The following LRRIQ3 variants were observed in gnomAD, a reference collection of about 807,000 sequenced individuals.
LRRIQ3 encodes leucine-rich repeat and IQ domain-containing protein 3.
A neutral mutation model predicts 59.3 loss-of-function variants in LRRIQ3; 75 were observed. That is an observed-to-expected ratio of 1.26 (90% CI 1.05 to 1.53). LRRIQ3 has a LOEUF of 1.53. Ranked by LOEUF, LRRIQ3 falls within the 40% of genes most tolerant of loss-of-function variation. LRRIQ3 has a pLI of 0.00. For missense variants in LRRIQ3, 831 were observed against 710.0 expected, an observed-to-expected ratio of 1.17 and a Z score of -1.94; for synonymous variants, 250 against 231.3, an observed-to-expected ratio of 1.08 and a Z score of -0.73.
chr1:74,167,137 G>T (rs893974872), intron 3 of LRRIQ3, among the ~76,000 whole-genome samples: 6 of 151,934 alleles, frequency 3.9e-5, no homozygotes, highest in Non-Finnish European at 8.8e-5. Flanking sequence ...ATACAAAAAA[G>T]ATACTTGCAC....
chr1:74,071,980 A>G (rs1007267332), intron 6 of LRRIQ3, among the ~76,000 whole-genome samples: 36 of 152,190 alleles, frequency 2.4e-4, no homozygotes, highest in Non-Finnish European at 5.0e-4. Flanking sequence ...TATATTAATT[A>G]TTCAGGCTGA....
At chr1:74,047,005 G>A (rs1259072442) in intron 6 of LRRIQ3, among the ~76,000 whole-genome samples, 1 of 152,164 alleles carries the variant, frequency 6.6e-6, no homozygotes, top group East Asian at 1.9e-4. Context: ...GTTGGTGGAA[G>A]TGTAAATTAG....
intron 5 of LRRIQ3, among the ~76,000 whole-genome samples, chr1:74,079,011 C>T (rs1305720941): frequency 2.6e-5 from 4 of 151,654 alleles, no homozygotes; most frequent in Non-Finnish European, 4.4e-5. Flanking sequence ...AATATGCTTC[C>T]TTCTCTAAAT....
chr1:74,067,646 G>A (rs1250262537), intron 6 of LRRIQ3, among the ~76,000 whole-genome samples: 1 of 151,892 alleles, frequency 6.6e-6, no homozygotes, highest in Admixed American at 6.6e-5. Context: ...GTCATATGTA[G>A]TTTTCATATC....
At chr1:74,144,686 A>G (rs1647452144) in intron 4 of LRRIQ3, 1 of 166,846 alleles carries the variant, frequency 6.0e-6, no homozygotes, top group African/African-American at 2.4e-5. Flanking sequence ...GAGTGTACAT[A>G]TGTTCTATTG....
intron 4 of LRRIQ3, among the ~76,000 whole-genome samples, chr1:74,114,765 C>A (rs1646755036): frequency 6.8e-6 from 1 of 148,136 alleles, no homozygotes; most frequent in Non-Finnish European, 1.5e-5. Context: ...CCAAGAAAAT[C>A]ACTAAAAACA....
chr1:74,069,084 AAAT>A (rs1442043617), intron 6 of LRRIQ3, among the ~76,000 whole-genome samples: 1 of 152,088 alleles, frequency 6.6e-6, no homozygotes, highest in African/African-American at 2.4e-5. Flanking sequence ...AATGACCCTC[AAAT>A]AATTAAACTT....
rs1654035605 is a variant in LRRIQ3, at chr1:74,041,279, A to G, written c.1652T>C (p.Ile551Thr). 2 of 1,605,038 alleles carry G rather than the reference A, an allele frequency of 1.2e-6. No individual in the cohort carries two copies. The highest frequency in any genetic ancestry group is 1.7e-6 in the Non-Finnish European group (2 of 1,177,948). Residue 551 changes from isoleucine to threonine, a missense_variant, in exon 7 of 8, where the codon ATT (isoleucine) becomes ACT (threonine). Ile to Thr is a moderately conservative substitution (Grantham distance 89). Coordinates refer to ENST00000354431, the MANE Select transcript of LRRIQ3 (RefSeq NM_001105659.2). ...TTCTGCTTTTAGTTTTTGCTTAACA[A>G]TCAGGCTTTTCTCTTTTAGGACAGC... ...NEAVLKEKSL[I>T]VKQKLKAEKY...
intron 7 of LRRIQ3, among the ~76,000 whole-genome samples, chr1:74,027,704 T>C (rs1243393376): frequency 6.6e-6 from 1 of 152,082 alleles, no homozygotes; most frequent in African/African-American, 2.4e-5. Context: ...TCACAGGTCT[T>C]AGGAGATTTC....
intron 6 of LRRIQ3, among the ~76,000 whole-genome samples, chr1:74,059,860 AAT>A: frequency 6.6e-6 from 1 of 152,126 alleles, no homozygotes; most frequent in East Asian, 1.9e-4. Flanking sequence ...GATCTACTTT[AAT>A]TCTTCAGTAT....
At chr1:74,076,147 T>C (rs1237522567) in intron 5 of LRRIQ3, among the ~76,000 whole-genome samples, 1 of 152,028 alleles carries the variant, frequency 6.6e-6, no homozygotes, top group Non-Finnish European at 1.5e-5. Context: ...GTTCAGAAGC[T>C]TAGATGAGGG....
intron 6 of LRRIQ3, among the ~76,000 whole-genome samples, chr1:74,065,191 C>G (rs1654833395): frequency 6.6e-6 from 1 of 152,078 alleles, no homozygotes; most frequent in African/African-American, 2.4e-5. Flanking sequence ...TTTTTATTGC[C>G]TTCCTTATTC....
chr1:74,106,548 A>G (rs919918471), intron 5 of LRRIQ3, among the ~76,000 whole-genome samples: 1 of 152,010 alleles, frequency 6.6e-6, no homozygotes, highest in African/African-American at 2.4e-5. Context: ...ATGCCAACAA[A>G]GTATAGGTAA....
chr1:74,198,061 C>A lies in LRRIQ3; in HGVS notation c.-66G>T. The A allele has an allele frequency of 1.0e-6, 1 of 987,972 alleles. No homozygotes were observed. Among genetic ancestry groups the A allele is most frequent in the Non-Finnish European group, 1.4e-6 (1 of 698,532 alleles). 61.2% of individuals were successfully genotyped at this position (987,972 alleles called of 1,614,324 possible). ...GTGGCCCAGCCCCAACACAGTCAGACAAATCGCTGGGCGGCCATCTGCTCC... is the reference window on the plus strand; with the variant it reads ...GTGGCCCAGCCCCAACACAGTCAGAAAAATCGCTGGGCGGCCATCTGCTCC... On this transcript the variant is annotated 5_prime_UTR_variant, in exon 1 of 8. Coordinates refer to ENST00000354431, the MANE Select transcript of LRRIQ3 (RefSeq NM_001105659.2).
intron 6 of LRRIQ3, among the ~76,000 whole-genome samples, chr1:74,056,221 T>A (rs937859450): frequency 6.6e-6 from 1 of 151,796 alleles, no homozygotes; most frequent in Non-Finnish European, 1.5e-5. Context: ...GGAACATACT[T>A]CAACACAGTA....
At chr1:74,145,001 G>C (rs902561754) in intron 4 of LRRIQ3, among the ~76,000 whole-genome samples, 14 of 151,912 alleles carry the variant, frequency 9.2e-5, no homozygotes, top group Non-Finnish European at 1.8e-4. Context: ...GATCAATCTT[G>C]CTTATTATGA....
At chr1:74,089,148 A>T (rs1646366911) in intron 5 of LRRIQ3, among the ~76,000 whole-genome samples, 1 of 152,110 alleles carries the variant, frequency 6.6e-6, no homozygotes, top group Non-Finnish European at 1.5e-5. Context: ...AATCATAAAG[A>T]CATAAAATAA....
intron 6 of LRRIQ3, among the ~76,000 whole-genome samples, chr1:74,048,990 G>T (rs548063591): frequency 6.6e-6 from 1 of 152,140 alleles, no homozygotes; most frequent in East Asian, 1.9e-4. Context: ...GGCAGTGAGA[G>T]GGTCTAGTAA....
chr1:74,114,608 C>T (rs1396905288), intron 4 of LRRIQ3, among the ~76,000 whole-genome samples: 1 of 151,682 alleles, frequency 6.6e-6, no homozygotes, highest in African/African-American at 2.4e-5. Flanking sequence ...TGGTGGCAGG[C>T]ACCTGTAGTC....
Sources: gnomAD v4.1 joint callset for allele counts (sites outside exome capture counted in the v4.1 genomes callset) on GRCh38, gnomAD v4.1.1 for gene constraint, MANE v1.5 for transcripts, NCBI Gene and HGNC (gene_info 2026-07-23, HGNC 2026-07-21) for gene names.